PCSK5: variants seen among roughly 807,000 people sequenced by gnomAD.
The protein encoded by PCSK5 is prohormone convertase 5.
In PCSK5, 129 loss-of-function variants were observed where a neutral mutation model predicts 233.2. The observed-to-expected ratio is 0.55, with a 90% CI of 0.48 to 0.64. The LOEUF (loss-of-function observed/expected upper bound fraction) is 0.64. Ranked by LOEUF, PCSK5 falls within the 30% of genes least tolerant of loss-of-function variation. The pLI is 0.00. For synonymous variants in PCSK5, 825 were observed against 879.2 expected, an observed-to-expected ratio of 0.94 and a Z score of 1.09; for missense variants, 2,076 against 2,430.1, an observed-to-expected ratio of 0.85 and a Z score of 3.06.
intron 20 of PCSK5, among the ~76,000 whole-genome samples, chr9:76,203,876 GC>G (rs1354579139): frequency 2.0e-5 from 3 of 152,144 alleles, no homozygotes; most frequent in Admixed American, 6.5e-5. Flanking sequence ...AAGGGAGGCT[GC>G]CTGGGTTCAA....
chr9:76,267,959 AC>A (rs1247494351), intron 24 of PCSK5, among the ~76,000 whole-genome samples: 8 of 82,348 alleles, frequency 9.7e-5, no homozygotes, highest in East Asian at 8.3e-4. Flanking sequence ...ATACACACAC[AC>A]ACACACACAC....
rs1825564175 is a variant in PCSK5, at chr9:75,890,932, C to T, written c.-250C>T. On this transcript the variant is annotated 5_prime_UTR_variant, in exon 1 of 38. Coordinates refer to ENST00000674117, the MANE Select transcript of PCSK5 (RefSeq NM_001372043.1). ...CCTGCGTCCGAGCCGGGGAGCATCGCCGAGCGCCCCACGGGCCGGAGAGCT... is the reference window on the plus strand; with the variant it reads ...CCTGCGTCCGAGCCGGGGAGCATCGTCGAGCGCCCCACGGGCCGGAGAGCT... 2.7e-6 allele frequency: 1 copy of T among 377,222 alleles called. No homozygotes were observed. Among genetic ancestry groups the T allele is most frequent in the South Asian group, 1.2e-4 (1 of 8,028 alleles). 23.4% of individuals were successfully genotyped at this position (377,222 alleles called of 1,614,324 possible). A position where few individuals can be genotyped will look rare whatever the true frequency, so the allele number is the denominator to read the frequency against.
intron 1 of PCSK5, among the ~76,000 whole-genome samples, chr9:75,901,169 C>G (rs975154923): frequency 1.3e-5 from 2 of 152,138 alleles, no homozygotes; most frequent in African/African-American, 4.8e-5. Flanking sequence ...GACACATGAA[C>G]ACGTATGTTT....
intron 20 of PCSK5, among the ~76,000 whole-genome samples, chr9:76,225,247 G>T (rs1385314852): frequency 1.3e-5 from 2 of 152,090 alleles, no homozygotes; most frequent in African/African-American, 4.8e-5. Context: ...CCACGAGTAG[G>T]GTCTTTTTAA....
chr9:76,226,340 T>A (rs1825891002), intron 20 of PCSK5, among the ~76,000 whole-genome samples: 1 of 152,222 alleles, frequency 6.6e-6, no homozygotes, highest in Non-Finnish European at 1.5e-5. Context: ...ACTTACATGC[T>A]AGCTGTACCA....
At chr9:75,953,308 G>A (rs1005075333) in intron 2 of PCSK5, among the ~76,000 whole-genome samples, 1 of 152,114 alleles carries the variant, frequency 6.6e-6, no homozygotes, top group African/African-American at 2.4e-5. Flanking sequence ...GTGAGATTAG[G>A]GAAAAGAGAT....
At chr9:76,143,495 G>T (rs1159724789) in intron 10 of PCSK5, among the ~76,000 whole-genome samples, 1 of 152,114 alleles carries the variant, frequency 6.6e-6, no homozygotes, top group African/African-American at 2.4e-5. Flanking sequence ...TACACTGATG[G>T]TGCGAATCCA....
chr9:76,129,639 A>T (rs1469466814), intron 9 of PCSK5, among the ~76,000 whole-genome samples: 1 of 152,104 alleles, frequency 6.6e-6, no homozygotes, highest in Admixed American at 6.6e-5. Context: ...GTTTTTAAAG[A>T]CCACCAGACA....
chr9:76,355,302 C>T (rs546731130), intron 37 of PCSK5, among the ~76,000 whole-genome samples: 3 of 152,106 alleles, frequency 2.0e-5, no homozygotes, highest in Non-Finnish European at 4.4e-5. Flanking sequence ...GAAACCCTGT[C>T]TCTACTAAAA....
chr9:75,932,344 T>C (rs771494048), intron 1 of PCSK5, 35 bp from the exon 2 acceptor site: 2 of 1,305,854 alleles, frequency 1.5e-6, no homozygotes, highest in Admixed American at 1.9e-5. Flanking sequence ...TTAATGTCTT[T>C]TTTTTGTTCT....
In PCSK5 at chr9:76,341,421, T is replaced by C. The variant is rs190604536; in HGVS notation, c.4966+2974T>C. ...CAGTATTATCTGATTTAAATTCATGTTCTAATTATTGATCATGTTTGTCAT... is the reference window on the plus strand; with the variant it reads ...CAGTATTATCTGATTTAAATTCATGCTCTAATTATTGATCATGTTTGTCAT... On this transcript the variant is annotated intron_variant, in intron 35 of 37. Transcript: ENST00000674117. 5.9e-5 allele frequency among the ~76,000 whole-genome samples: 9 copies of C among 152,308 alleles called. No homozygotes were observed. The East Asian group carries it at 1.7e-3, about 29-fold the overall frequency.
At chr9:75,927,308 C>A (rs1823536472) in intron 1 of PCSK5, among the ~76,000 whole-genome samples, 1 of 152,008 alleles carries the variant, frequency 6.6e-6, no homozygotes, top group African/African-American at 2.4e-5. Flanking sequence ...AATAACTTTT[C>A]AAAAAGGAGG....
intron 12 of PCSK5, among the ~76,000 whole-genome samples, chr9:76,165,984 T>A (rs1238185832): frequency 6.6e-6 from 1 of 152,258 alleles, no homozygotes; most frequent in African/African-American, 2.4e-5. Flanking sequence ...TATTACCTTT[T>A]GTTTTATGCA....
At chr9:76,141,698 A>G (rs1823233426) in intron 10 of PCSK5, among the ~76,000 whole-genome samples, 1 of 152,120 alleles carries the variant, frequency 6.6e-6, no homozygotes. Flanking sequence ...TGTCTTTTGT[A>G]GGCTTTCGTA....
chr9:76,126,797 G>A (rs746046957), intron 9 of PCSK5, among the ~76,000 whole-genome samples: 2 of 152,152 alleles, frequency 1.3e-5, no homozygotes, highest in Non-Finnish European at 2.9e-5. Flanking sequence ...GGGAGGTGGT[G>A]AGAGGGGATT....
intron 35 of PCSK5, among the ~76,000 whole-genome samples, chr9:76,343,808 A>T (rs1354707925): frequency 2.6e-5 from 4 of 152,154 alleles, no homozygotes; most frequent in Non-Finnish European, 4.4e-5. Context: ...CTTAAGGCAC[A>T]ATGTTCTACA....
chr9:76,115,256 T>C (rs973208968), intron 9 of PCSK5, among the ~76,000 whole-genome samples: 18 of 152,196 alleles, frequency 1.2e-4, no homozygotes, highest in African/African-American at 4.3e-4. Context: ...TGACTGTCCT[T>C]GGGTACACCA....
intron 24 of PCSK5, among the ~76,000 whole-genome samples, chr9:76,291,630 C>T (rs1160920666): frequency 6.6e-6 from 1 of 152,168 alleles, no homozygotes; most frequent in African/African-American, 2.4e-5. Context: ...CTCTTTAAGT[C>T]CCCTGAAAGC....
At chr9:76,031,622 A>C (rs561992878) in intron 5 of PCSK5, among the ~76,000 whole-genome samples, 1 of 152,220 alleles carries the variant, frequency 6.6e-6, no homozygotes, top group East Asian at 1.9e-4. Flanking sequence ...CTAGGAGGTC[A>C]AGGTTGCAGT....
Sources: gnomAD v4.1 joint callset for allele counts (sites outside exome capture counted in the v4.1 genomes callset) on GRCh38, gnomAD v4.1.1 for gene constraint, MANE v1.5 for transcripts, NCBI Gene and HGNC (gene_info 2026-07-23, HGNC 2026-07-21) for gene names.